GALNT13: variants seen among roughly 807,000 people sequenced by gnomAD.
GALNT13 encodes UDP-GalNAc:polypeptide N-acetylgalactosaminyltransferase 13.
Under a neutral mutation model 64.2 loss-of-function variants are expected in GALNT13, and 28 were observed. The observed-to-expected ratio is 0.44, with a 90% confidence interval of 0.32 to 0.60. GALNT13 has a LOEUF of 0.60. Among genes scored for constraint, GALNT13 ranks in the 20% least tolerant of loss-of-function variants. The pLI is 0.05. For synonymous variants in GALNT13, 214 were observed against 224.6 expected, an observed-to-expected ratio of 0.95 and a Z score of 0.42; for missense variants, 577 against 669.8, an observed-to-expected ratio of 0.86 and a Z score of 1.53.
At chr2:153,480,399 A>AT in the GALNT13 span, among the ~76,000 whole-genome samples, 1 of 152,106 alleles carries the variant, frequency 6.6e-6, no homozygotes, top group African/African-American at 2.4e-5. Flanking sequence ...AATAAGTTTG[A>AT]TTTTTTAAAA....
the GALNT13 span, among the ~76,000 whole-genome samples, chr2:153,407,707 G>T: frequency 6.6e-6 from 1 of 152,128 alleles, no homozygotes; most frequent in African/African-American, 2.4e-5. Flanking sequence ...CCCTGGTGGA[G>T]CTACAATTTC....
intron 9 of GALNT13, among the ~76,000 whole-genome samples, chr2:154,338,280 A>G (rs572677370): frequency 1.3e-5 from 2 of 152,294 alleles, no homozygotes; most frequent in Admixed American, 6.5e-5. Flanking sequence ...TTTGTACCAA[A>G]TTAAATACAG....
the GALNT13 span, among the ~76,000 whole-genome samples, chr2:153,363,386 G>T: frequency 1.3e-5 from 2 of 152,064 alleles, no homozygotes; most frequent in African/African-American, 4.8e-5. Context: ...ACTAAGATCA[G>T]AGAAGAACTG....
the GALNT13 span, among the ~76,000 whole-genome samples, chr2:153,643,239 TAAACA>T: frequency 6.6e-6 from 1 of 151,294 alleles, no homozygotes; most frequent in African/African-American, 2.4e-5. Context: ...ACTAGTAAAA[TAAACA>T]AATTTCTAGT....
the GALNT13 span, among the ~76,000 whole-genome samples, chr2:153,227,421 A>G: frequency 6.6e-6 from 1 of 152,172 alleles, no homozygotes; most frequent in African/African-American, 2.4e-5. Flanking sequence ...AGTGGAGATG[A>G]AGACCATTAG....
intron 1 of GALNT13, among the ~76,000 whole-genome samples, chr2:153,878,052 G>C (rs181764391): frequency 1.4e-4 from 22 of 152,188 alleles, no homozygotes; most frequent in Middle Eastern, 6.8e-3. Flanking sequence ...TTCTCAGTCT[G>C]ACATTTTCAC....
At chr2:153,966,886 A>G (rs143003013) in intron 3 of GALNT13, among the ~76,000 whole-genome samples, 100 of 151,846 alleles carry the variant, frequency 6.6e-4, no homozygotes, top group African/African-American at 2.3e-3. Context: ...TTTTGAGGCT[A>G]TTGTCTAGAT....
At chr2:153,594,701 T>C in the GALNT13 span, among the ~76,000 whole-genome samples, 1 of 152,164 alleles carries the variant, frequency 6.6e-6, no homozygotes, top group African/African-American at 2.4e-5. Context: ...CTTATCTCAT[T>C]ATCTGCTTTT....
intron 9 of GALNT13, among the ~76,000 whole-genome samples, chr2:154,339,407 G>C (rs1695631236): frequency 6.6e-6 from 1 of 151,986 alleles, no homozygotes; most frequent in Non-Finnish European, 1.5e-5. Context: ...AAAAAATAGT[G>C]GGTGTACTTT....
intron 6 of GALNT13, among the ~76,000 whole-genome samples, 164 bp downstream of exon 6, chr2:154,243,069 G>A (rs1299941665): frequency 6.6e-6 from 1 of 152,082 alleles, no homozygotes; most frequent in Non-Finnish European, 1.5e-5. Flanking sequence ...TAAGACTGCT[G>A]TATTCATGCT....
intron 3 of GALNT13, among the ~76,000 whole-genome samples, chr2:154,048,614 A>T (rs1258079762): frequency 1.3e-5 from 2 of 152,272 alleles, no homozygotes; most frequent in East Asian, 3.9e-4. Context: ...GATATGTCTA[A>T]TTCTCTAAAT....
At chr2:153,465,243 A>G in the GALNT13 span, among the ~76,000 whole-genome samples, 1 of 152,178 alleles carries the variant, frequency 6.6e-6, no homozygotes, top group East Asian at 1.9e-4. Context: ...ACAGTATGCA[A>G]CTACAGTATT....
chr2:154,051,774 AC>A (rs1337569923), intron 3 of GALNT13, among the ~76,000 whole-genome samples: 1 of 152,178 alleles, frequency 6.6e-6, no homozygotes. Flanking sequence ...TTCTAGATAA[AC>A]ATATTGTAAA....
the GALNT13 span, among the ~76,000 whole-genome samples, chr2:153,333,173 T>G: frequency 6.6e-6 from 1 of 152,324 alleles, no homozygotes; most frequent in Middle Eastern, 3.4e-3. Flanking sequence ...AAAAATAATT[T>G]TCTTCTCTCA....
At chr2:154,198,031 A>T (rs1269111454) in intron 4 of GALNT13, among the ~76,000 whole-genome samples, 1 of 152,126 alleles carries the variant, frequency 6.6e-6, no homozygotes, top group Non-Finnish European at 1.5e-5. Flanking sequence ...CAAGGATGCA[A>T]ATCAATAGAT....
the GALNT13 span, among the ~76,000 whole-genome samples, chr2:153,482,241 G>A: frequency 6.6e-6 from 1 of 152,120 alleles, no homozygotes; most frequent in African/African-American, 2.4e-5. Context: ...GTTCTGAAGA[G>A]GAGGAAATGG....
chr2:154,147,301 G>A (rs757643243), intron 4 of GALNT13, among the ~76,000 whole-genome samples: 35 of 150,684 alleles, frequency 2.3e-4, no homozygotes, highest in Middle Eastern at 3.4e-3. Flanking sequence ...TTAGAGAATG[G>A]AATGACTATA....
the GALNT13 span, among the ~76,000 whole-genome samples, chr2:153,858,938 T>G: frequency 6.6e-6 from 1 of 152,148 alleles, no homozygotes; most frequent in Non-Finnish European, 1.5e-5. Context: ...TTCGCCATAT[T>G]GGCCAGGCTG....
chr2:154,201,267 A>G (rs748496578), intron 4 of GALNT13, among the ~76,000 whole-genome samples: 4 of 152,144 alleles, frequency 2.6e-5, no homozygotes, highest in Non-Finnish European at 5.9e-5. Flanking sequence ...ATGTGTATTC[A>G]TGACAGCATG....
Sources: allele counts gnomAD v4.1 joint callset (sites outside exome capture counted in the v4.1 genomes callset), GRCh38; gene constraint gnomAD v4.1.1; transcripts MANE v1.5; gene names NCBI Gene and HGNC (gene_info 2026-07-23, HGNC 2026-07-21).